The following DIAPH2 variants were observed in gnomAD, a reference collection of about 807,000 sequenced individuals.
DIAPH2 encodes the protein diaphanous related formin 2.
A neutral mutation model predicts 92.7 loss-of-function variants in DIAPH2; 35 were observed. That is an observed-to-expected ratio of 0.38 (90% CI 0.29 to 0.50). The LOEUF (loss-of-function observed/expected upper bound fraction) is 0.50, where lower values mean the gene tolerates loss of function less well. DIAPH2 is among the 20% of genes least tolerant of loss of function. DIAPH2 has a pLI of 0.94. For synonymous variants in DIAPH2, 301 were observed against 280.4 expected, an observed-to-expected ratio of 1.07 and a Z score of -0.73; for missense variants, 701 against 819.5, an observed-to-expected ratio of 0.86 and a Z score of 1.77.
intron 23 of DIAPH2, among the ~76,000 whole-genome samples, chrX:97,270,160 C>G (rs1265745062): frequency 9.0e-6 from 1 of 110,900 alleles, no homozygotes; most frequent in Non-Finnish European, 1.9e-5. Context: ...AACTCCCAGT[C>G]TCAGGTGATC....
intron 17 of DIAPH2, among the ~76,000 whole-genome samples, chrX:96,970,350 G>GTTGA (rs2065920592): frequency 9.4e-6 from 1 of 106,055 alleles, no homozygotes; most frequent in Admixed American, 1.0e-4. Context: ...TCTGGGTGTT[G>GTTGA]TTGTTTGTTT....
chrX:97,149,068 G>GA (rs775639085), intron 22 of DIAPH2, among the ~76,000 whole-genome samples: 19 of 107,226 alleles, frequency 1.8e-4, no homozygotes, highest in East Asian at 1.2e-3. Context: ...TTTAATACCT[G>GA]AAAAAAAAAA....
chrX:97,317,471 T>C (rs2068849805), intron 23 of DIAPH2, among the ~76,000 whole-genome samples: 1 of 112,246 alleles, frequency 8.9e-6, no homozygotes, highest in Admixed American at 9.5e-5. Flanking sequence ...TAAACAGACA[T>C]TCCTCTTTTG....
intron 26 of DIAPH2, among the ~76,000 whole-genome samples, chrX:97,479,436 A>T (rs775552689): frequency 3.6e-5 from 4 of 112,414 alleles, no homozygotes; most frequent in African/African-American, 1.3e-4. Flanking sequence ...CTACTCCAGA[A>T]TTGCTTTTGA....
chrX:96,854,637 A>ATATC (rs1253586951), intron 4 of DIAPH2, among the ~76,000 whole-genome samples: 4 of 83,855 alleles, frequency 4.8e-5, no homozygotes, highest in African/African-American at 1.8e-4. Flanking sequence ...ATATATATAT[A>ATATC]TATATCCATC....
intron 4 of DIAPH2, among the ~76,000 whole-genome samples, chrX:96,857,831 G>A (rs969451626): frequency 1.8e-5 from 2 of 112,329 alleles, no homozygotes; most frequent in African/African-American, 6.5e-5. Context: ...GTCACACATG[G>A]TTGTTACGAG....
At chrX:97,559,437 C>T (rs2071278769) in intron 26 of DIAPH2, among the ~76,000 whole-genome samples, 1 of 106,531 alleles carries the variant, frequency 9.4e-6, no homozygotes, top group African/African-American at 3.5e-5. Context: ...TTACAGTGAG[C>T]TGAGATCATG....
At chrX:96,954,695 T>A (rs2065798866) in intron 15 of DIAPH2, among the ~76,000 whole-genome samples, 1 of 112,503 alleles carries the variant, frequency 8.9e-6, no homozygotes, top group Admixed American at 9.4e-5. Flanking sequence ...TCCTCATCTT[T>A]AAGCAGTGAA....
intron 25 of DIAPH2, among the ~76,000 whole-genome samples, chrX:97,388,620 C>T (rs376010921): frequency 5.4e-5 from 6 of 111,371 alleles, no homozygotes; most frequent in East Asian, 5.6e-4. Context: ...GGGATCACCA[C>T]GGTAAAGTAT....
Position 97,000,485 on chromosome X carries a change from A to G in DIAPH2, c.2050+35278A>G, listed in dbSNP as rs918197927. On this transcript the variant is annotated intron_variant, in intron 17 of 26. Coordinates refer to ENST00000324765, the MANE Select transcript of DIAPH2 (RefSeq NM_006729.5). ...ATTTCCATAAACATGAGTTTCTGTA[A>G]AACATTTATAATATTTGCCCATGTG... 1.1e-4 allele frequency among the ~76,000 whole-genome samples: 12 copies of G among 110,988 alleles called. 1 individual carries two copies. The highest frequency in any genetic ancestry group is 3.9e-4 in the African/African-American group (12 of 30,448).
intron 26 of DIAPH2, among the ~76,000 whole-genome samples, chrX:97,500,349 G>A (rs778694308): frequency 1.8e-5 from 2 of 111,318 alleles, no homozygotes; most frequent in Non-Finnish European, 3.8e-5. Context: ...AAGAGAACTC[G>A]TTTGAAATTG....
At position 97,429,763 on chromosome X, in the gene DIAPH2, T is replaced by A. The variant is rs771689149; in HGVS notation, c.3241+18T>A. On this transcript the variant is annotated intron_variant, in intron 26 of 26. Transcript: ENST00000324765. The stretch of plus-strand genomic sequence containing the variant: ...GAATCCAGGTAAAACACATTCCACC[T>A]CACATAGTATTGTAAAATATGAATG... 1.6e-5 allele frequency: 19 copies of A among 1,170,011 alleles called. No homozygotes were observed. In the East Asian group the frequency reaches 5.7e-4, roughly 35 times the overall value.
At chrX:96,850,750 C>T (rs1221215178) in intron 4 of DIAPH2, among the ~76,000 whole-genome samples, 3 of 110,797 alleles carry the variant, frequency 2.7e-5, no homozygotes, top group Non-Finnish European at 5.7e-5. Flanking sequence ...TCAGTAAGAA[C>T]TGTTATTATG....
At chrX:96,725,898 A>G (rs887032821) in intron 1 of DIAPH2, among the ~76,000 whole-genome samples, 5 of 112,092 alleles carry the variant, frequency 4.5e-5, no homozygotes, top group African/African-American at 1.6e-4. Flanking sequence ...TAATTTTGCA[A>G]CTACATCAGA....
intron 19 of DIAPH2, among the ~76,000 whole-genome samples, chrX:97,085,173 A>G (rs1053719321): frequency 4.5e-5 from 5 of 111,847 alleles, no homozygotes; most frequent in Non-Finnish European, 9.4e-5. Context: ...TTCTATATTT[A>G]GAATCATTTA....
intron 23 of DIAPH2, among the ~76,000 whole-genome samples, chrX:97,335,001 A>AAC (rs2069044187): frequency 1.0e-5 from 1 of 99,404 alleles, no homozygotes; most frequent in Non-Finnish European, 2.0e-5. Context: ...AACAAAACAA[A>AAC]AAAAAAAAAA....
At chrX:96,701,251 T>C (rs2063853529) in intron 1 of DIAPH2, among the ~76,000 whole-genome samples, 1 of 111,848 alleles carries the variant, frequency 8.9e-6, no homozygotes. Flanking sequence ...ATCTTTGTTA[T>C]GTATGGGGCA....
intron 23 of DIAPH2, among the ~76,000 whole-genome samples, chrX:97,329,054 G>T (rs1359302125): frequency 8.9e-6 from 1 of 111,911 alleles, no homozygotes; most frequent in Non-Finnish European, 1.9e-5. Flanking sequence ...GAAGATGAAA[G>T]AATCAGATTA....
At chrX:96,825,354 CTTT>C (rs57788752) in intron 4 of DIAPH2, among the ~76,000 whole-genome samples, 3 of 82,578 alleles carry the variant, frequency 3.6e-5, no homozygotes, top group Admixed American at 1.4e-4. Context: ...CATGTGTTTT[CTTT>C]TTTTTTTTTT....
Sources: gnomAD v4.1 joint callset for allele counts (sites outside exome capture counted in the v4.1 genomes callset) on GRCh38, gnomAD v4.1.1 for gene constraint, MANE v1.5 for transcripts, NCBI Gene and HGNC (gene_info 2026-07-23, HGNC 2026-07-21) for gene names.